The following ANK2 variants were observed in gnomAD, a reference collection of about 807,000 sequenced individuals.
The protein encoded by ANK2 is ankyrin-2.
A neutral mutation model predicts 360.5 loss-of-function variants in ANK2; 83 were observed. The ratio of observed to expected loss-of-function variants is 0.23; its 90% CI spans 0.19 to 0.28. The LOEUF (loss-of-function observed/expected upper bound fraction) is 0.28. ANK2 is among the 10% of genes least tolerant of loss of function. ANK2 has a pLI of 1.00. For synonymous variants in ANK2, 1,740 were observed against 1,759.5 expected, an observed-to-expected ratio of 0.99 and a Z score of 0.28; for missense variants, 4,201 against 4,795.7, an observed-to-expected ratio of 0.88 and a Z score of 3.66.
chr4:113,233,104 C>CTTTTTTTT lies in ANK2; in HGVS notation c.483+846_483+847insTTTTTTTT, dbSNP rs1563056547. ...ACCAGAGTATATGGGCTTGGCTTTT[C>CTTTTTTTT]TGTTTTTTTTTTTTTTTTTTTTTTT... On this transcript the variant is annotated intron_variant, in intron 5 of 45. Transcript: ENST00000357077. 1.7e-4 allele frequency among the ~76,000 whole-genome samples: 5 copies of CTTTTTTTT among 29,296 alleles called. 1 individual carries two copies. The highest frequency in any genetic ancestry group is 1.4e-4 in the African/African-American group (1 of 7,106). 19.2% of individuals were successfully genotyped at this position (29,296 alleles called of 152,430 possible).
chr4:112,983,967 G>T (rs895092191), intron 2 of ANK2, among the ~76,000 whole-genome samples: 12 of 152,138 alleles, frequency 7.9e-5, no homozygotes, highest in Admixed American at 7.2e-4. Flanking sequence ...CTGATTAACA[G>T]AATTTATCTG....
At chr4:112,737,352 A>G in the ANK2 span, among the ~76,000 whole-genome samples, 2 of 152,318 alleles carry the variant, frequency 1.3e-5, no homozygotes, top group Non-Finnish European at 2.9e-5. Flanking sequence ...ATTGCAGCAA[A>G]TCTTTGCATA....
At chr4:113,191,735 A>G (rs1238967799) in intron 2 of ANK2, among the ~76,000 whole-genome samples, 1 of 152,212 alleles carries the variant, frequency 6.6e-6, no homozygotes, top group Admixed American at 6.5e-5. Flanking sequence ...GAATTAACCT[A>G]CATTGTTTGA....
chr4:112,933,974 C>A (rs1426303799), intron 2 of ANK2, among the ~76,000 whole-genome samples: 1 of 151,680 alleles, frequency 6.6e-6, no homozygotes, highest in Non-Finnish European at 1.5e-5. Context: ...AGAGGGTGAC[C>A]ATCTGGAAAT....
chr4:112,974,287 A>C (rs2040589639), intron 2 of ANK2, among the ~76,000 whole-genome samples: 1 of 152,236 alleles, frequency 6.6e-6, no homozygotes, highest in African/African-American at 2.4e-5. Flanking sequence ...AAAGCAATAC[A>C]GATTTAGCAA....
chr4:113,373,095 C>T lies in ANK2; in HGVS notation c.11616C>T (p.Asp3872=), dbSNP rs768755447. The change falls in exon 44 of 46, where the codon GAC becomes GAT. Residue 3872 remains aspartate (D), a synonymous_variant. Transcript: ENST00000357077. The part of the protein sequence containing the change: ...LDEDAAFEKG[D]DMPEIPPETV... The stretch of plus-strand genomic sequence containing the variant: ...CTTTTCTCTCAACTGTTTAGGGAGA[C>T]GATATGCCTGAAATACCCCCAGAAA... 40 of 1,613,662 alleles carry T rather than the reference C, an allele frequency of 2.5e-5. 1 individual carries two copies. The highest frequency in any genetic ancestry group is 1.1e-4 in the South Asian group (10 of 91,070).
chr4:113,154,309 A>G (rs1037473484), intron 1 of ANK2, among the ~76,000 whole-genome samples: 3 of 152,232 alleles, frequency 2.0e-5, no homozygotes, highest in Non-Finnish European at 4.4e-5. Context: ...AACCTTGTCA[A>G]TTTCCACTGG....
intron 1 of ANK2, among the ~76,000 whole-genome samples, chr4:112,831,396 A>C (rs2059699871): frequency 6.6e-6 from 1 of 152,134 alleles, no homozygotes; most frequent in African/African-American, 2.4e-5. Flanking sequence ...TAGCTAATCT[A>C]GTGGGGACTT....
chr4:112,713,703 G>A, the ANK2 span, among the ~76,000 whole-genome samples: 2 of 151,982 alleles, frequency 1.3e-5, no homozygotes, highest in African/African-American at 4.8e-5. Flanking sequence ...GGCCCGAGGC[G>A]GGCGGATCAC....
intron 38 of ANK2, 142 bp from the exon 39 acceptor site, chr4:113,360,681 C>T: frequency 1.3e-6 from 1 of 750,992 alleles, no homozygotes. Context: ...AAATCAGACA[C>T]ACAATATGAT....
chr4:112,849,917 G>A (rs946162063), intron 1 of ANK2, among the ~76,000 whole-genome samples: 25 of 152,136 alleles, frequency 1.6e-4, no homozygotes, highest in Admixed American at 3.3e-4. Context: ...CACCAATATC[G>A]GCGGGCATCC....
the ANK2 span, among the ~76,000 whole-genome samples, chr4:112,773,640 T>C: frequency 3.8e-3 from 580 of 152,304 alleles, 13 homozygotes; most frequent in Admixed American, 0.027. Context: ...TCTGAGGAAA[T>C]AGAGAGACAC....
chr4:113,286,041 G>T (rs1488568090), intron 18 of ANK2, among the ~76,000 whole-genome samples: 1 of 152,162 alleles, frequency 6.6e-6, no homozygotes, highest in East Asian at 1.9e-4. Context: ...TTGTAATCTT[G>T]CATTGCAGAA....
In ANK2 at chr4:113,383,311, T is replaced by C. The variant is rs2097199562; in HGVS notation, c.*1840T>C. ...CAAGCCAAATCTCCTAAGCCTCAAATGCTAGCACTTTTTGGCAGTTGGATA... is the reference window on the plus strand; with the variant it reads ...CAAGCCAAATCTCCTAAGCCTCAAACGCTAGCACTTTTTGGCAGTTGGATA... On this transcript the variant is annotated 3_prime_UTR_variant, in exon 46 of 46. Transcript: ENST00000357077. The C allele has an allele frequency of 6.6e-6, 1 of 152,602 alleles. No individual in the cohort carries two copies. The highest frequency in any genetic ancestry group is 2.4e-5 in the African/African-American group (1 of 41,448). 9.5% of individuals were successfully genotyped at this position (152,602 alleles called of 1,614,324 possible).
chr4:113,374,578 G>C (rs2096857738), intron 45 of ANK2, among the ~76,000 whole-genome samples: 1 of 152,204 alleles, frequency 6.6e-6, no homozygotes, highest in African/African-American at 2.4e-5. Flanking sequence ...TGGAGATACA[G>C]TCATGATGTA....
the ANK2 span, among the ~76,000 whole-genome samples, chr4:112,713,721 G>C: frequency 6.6e-6 from 1 of 152,036 alleles, no homozygotes; most frequent in South Asian, 2.1e-4. Flanking sequence ...CACGAGGTCA[G>C]GAGATCGAGA....
the ANK2 span, among the ~76,000 whole-genome samples, chr4:112,722,260 A>T: frequency 6.6e-6 from 1 of 152,156 alleles, no homozygotes; most frequent in Non-Finnish European, 1.5e-5. Flanking sequence ...ACCACCTAAC[A>T]GTATCTCCTT....
intron 1 of ANK2, among the ~76,000 whole-genome samples, chr4:113,141,591 C>A (rs2096639085): frequency 6.6e-6 from 1 of 152,090 alleles, no homozygotes; most frequent in Admixed American, 6.6e-5. Context: ...GGGATCAAAA[C>A]CTGGGATTAG....
chr4:113,152,886 G>T (rs1458818239), intron 1 of ANK2, among the ~76,000 whole-genome samples: 2 of 152,004 alleles, frequency 1.3e-5, no homozygotes, highest in East Asian at 1.9e-4. Context: ...AGGTGACAGG[G>T]CAAGATGCTG....
Sources: allele counts gnomAD v4.1 joint callset (sites outside exome capture counted in the v4.1 genomes callset), GRCh38; gene constraint gnomAD v4.1.1; transcripts MANE v1.5; gene names NCBI Gene and HGNC (gene_info 2026-07-23, HGNC 2026-07-21).